ANKS1B: variants seen among roughly 807,000 people sequenced by gnomAD.
ANKS1B encodes the protein ankyrin repeat and sterile alpha motif domain containing 1B.
In ANKS1B, 36 loss-of-function variants were observed where a neutral mutation model predicts 148.3. The observed-to-expected ratio is 0.24, with a 90% confidence interval of 0.19 to 0.32. The LOEUF (loss-of-function observed/expected upper bound fraction) is 0.32. ANKS1B is among the 10% of genes least tolerant of loss of function. The pLI, the probability that ANKS1B is intolerant of heterozygous loss-of-function variation, is 1.00. For missense variants in ANKS1B, 1,157 were observed against 1,542.6 expected (o/e 0.75, Z 4.19); for synonymous variants, 542 against 560.8 (o/e 0.97, Z 0.47).
chr12:98,947,805 C>T (rs900953841), intron 17 of ANKS1B, among the ~76,000 whole-genome samples: 1 of 152,170 alleles, frequency 6.6e-6, no homozygotes, highest in Admixed American at 6.5e-5. Context: ...TTTCCTGTGT[C>T]TTCTGCTGCT....
intron 17 of ANKS1B, among the ~76,000 whole-genome samples, chr12:98,948,683 G>A (rs959752226): frequency 4.0e-5 from 6 of 151,468 alleles, no homozygotes; most frequent in African/African-American, 1.5e-4. Flanking sequence ...GGACCACATT[G>A]ATATGCACAA....
intron 25 of ANKS1B, among the ~76,000 whole-genome samples, chr12:98,764,645 T>A (rs577965782): frequency 6.6e-6 from 1 of 152,358 alleles, no homozygotes; most frequent in Admixed American, 6.5e-5. Context: ...CTTGGTTTAG[T>A]CAGCACAGCA....
intron 4 of ANKS1B, among the ~76,000 whole-genome samples, chr12:99,789,471 A>G (rs927933722): frequency 3.9e-4 from 59 of 152,328 alleles, no homozygotes; most frequent in Middle Eastern, 6.8e-3. Flanking sequence ...GGCACCAGGG[A>G]CAAGTCCTGG....
chr12:99,671,008 T>C (rs1333914325), intron 8 of ANKS1B, among the ~76,000 whole-genome samples: 1 of 152,174 alleles, frequency 6.6e-6, no homozygotes, highest in African/African-American at 2.4e-5. Context: ...GATCAAAAAA[T>C]AGAAAGCTTC....
At chr12:99,223,557 A>G (rs745396880) in intron 14 of ANKS1B, among the ~76,000 whole-genome samples, 37 of 151,794 alleles carry the variant, frequency 2.4e-4, no homozygotes, top group Admixed American at 1.3e-4. Context: ...AAAGGTTCGC[A>G]CTCCTATGAG....
chr12:99,281,143 T>G (rs1306204986), intron 12 of ANKS1B, among the ~76,000 whole-genome samples: 1 of 152,008 alleles, frequency 6.6e-6, no homozygotes, highest in Non-Finnish European at 1.5e-5. Context: ...GAATAAAGCA[T>G]AAGAAGAGAG....
chr12:98,961,797 T>G lies in ANKS1B; in HGVS notation c.2778+91360A>C, dbSNP rs144343711. On this transcript the variant is annotated intron_variant, in intron 17 of 26. Coordinates refer to ENST00000683438, the MANE Select transcript of ANKS1B (RefSeq NM_001352186.2). ...CAGTTTTTATTAGTTTTCTCTTTGCTTGTTTGTTAGTCTATGCAATCAGTA... is the reference window on the plus strand; with the variant it reads ...CAGTTTTTATTAGTTTTCTCTTTGCGTGTTTGTTAGTCTATGCAATCAGTA... 3.2e-3 allele frequency among the ~76,000 whole-genome samples: 490 copies of G among 152,262 alleles called. 2 individuals carry two copies. The highest frequency in any genetic ancestry group is 0.011 in the African/African-American group (473 of 41,570).
chr12:99,705,072 C>T lies in ANKS1B; in HGVS notation c.1129-49862G>A, dbSNP rs144399977. Among the ~76,000 whole-genome samples the T allele has an allele frequency of 2.1e-3, 327 of 152,160 alleles. 2 individuals carry two copies. The highest frequency in any genetic ancestry group is 3.3e-3 in the Non-Finnish European group (222 of 67,990). On this transcript the variant is annotated intron_variant, in intron 8 of 26. Transcript: ENST00000683438. ...ATCAACCTGGTAAGACTACAGAGGA[C>T]TCATGAATTCCATACCAGATATGTC... is the stretch of plus-strand genomic sequence containing the variant.
chr12:99,331,149 ATG>A (rs2087468643), intron 12 of ANKS1B, among the ~76,000 whole-genome samples: 1 of 151,986 alleles, frequency 6.6e-6, no homozygotes, highest in Non-Finnish European at 1.5e-5. Flanking sequence ...ATGACCGTGC[ATG>A]TGTTACTGTT....
At chr12:99,911,044 T>TC (rs2093990221) in intron 1 of ANKS1B, among the ~76,000 whole-genome samples, 1 of 152,154 alleles carries the variant, frequency 6.6e-6, no homozygotes, top group Non-Finnish European at 1.5e-5. Context: ...ATATTATTTT[T>TC]TATAATCCTC....
rs151051375 is a variant in ANKS1B at position 99,490,232 on chromosome 12, G to A, written c.1438+14244C>T. 4.6e-5 allele frequency among the ~76,000 whole-genome samples: 7 copies of A among 152,350 alleles called. No homozygotes were observed. The East Asian group carries it at 1.3e-3, about 29-fold the overall frequency. ...TGGATTAATGAATGAATGATTTTAT[G>A]AAAAGAGATGGTTCTGAACAGTAAA... is the stretch of plus-strand genomic sequence containing the variant. On this transcript the variant is annotated intron_variant, in intron 10 of 26. Transcript: ENST00000683438.
At chr12:99,237,911 T>C (rs1000712776) in intron 14 of ANKS1B, among the ~76,000 whole-genome samples, 5 of 152,162 alleles carry the variant, frequency 3.3e-5, no homozygotes, top group East Asian at 1.9e-4. Context: ...GCCTAGCACA[T>C]AGAAAAACTT....
intron 9 of ANKS1B, among the ~76,000 whole-genome samples, chr12:99,523,053 C>G (rs148760810): frequency 7.9e-5 from 12 of 152,126 alleles, no homozygotes; most frequent in Admixed American, 6.5e-4. Context: ...AATTAGGTGG[C>G]CTAGAGGCTT....
chr12:99,515,078 A>C (rs1705365703), intron 9 of ANKS1B, among the ~76,000 whole-genome samples: 1 of 152,036 alleles, frequency 6.6e-6, no homozygotes, highest in African/African-American at 2.4e-5. Context: ...TATGTGGTAC[A>C]TTTGATATTT....
At chr12:99,918,627 T>A (rs1288977920) in intron 1 of ANKS1B, among the ~76,000 whole-genome samples, 2 of 152,186 alleles carry the variant, frequency 1.3e-5, no homozygotes, top group East Asian at 3.8e-4. Context: ...AATTATCTGT[T>A]TTTAAAGTTC....
intron 8 of ANKS1B, among the ~76,000 whole-genome samples, chr12:99,666,188 T>C (rs1234633598): frequency 6.6e-6 from 1 of 152,236 alleles, no homozygotes; most frequent in Non-Finnish European, 1.5e-5. Context: ...TCTTCTTATG[T>C]GAATACCACA....
chr12:99,980,057 A>C (rs2095676673), intron 1 of ANKS1B, among the ~76,000 whole-genome samples: 1 of 152,008 alleles, frequency 6.6e-6, no homozygotes, highest in Non-Finnish European at 1.5e-5. Flanking sequence ...AATTACAAAT[A>C]CAACATAAAA....
rs139303354 is a variant in ANKS1B, at chr12:98,939,161, T to C, written c.2779-107025A>G. ...ATCCTAAAGTGTATGGAATTACAAG[T>C]TTCTATGAAGATGTTTTTGAGAAAC... On this transcript the variant is annotated intron_variant, in intron 17 of 26. Coordinates refer to ENST00000683438, the MANE Select transcript of ANKS1B (RefSeq NM_001352186.2). 4.0e-3 allele frequency among the ~76,000 whole-genome samples: 616 copies of C among 152,328 alleles called. 2 individuals carry two copies. The highest frequency in any genetic ancestry group is 0.014 in the African/African-American group (570 of 41,572).
At chr12:98,938,056 G>C (rs201014651) in intron 17 of ANKS1B, among the ~76,000 whole-genome samples, 1 of 152,122 alleles carries the variant, frequency 6.6e-6, no homozygotes, top group African/African-American at 2.4e-5. Context: ...ATTACAATTC[G>C]AGATGATATT....
Sources: gnomAD v4.1 joint callset for allele counts (sites outside exome capture counted in the v4.1 genomes callset) on GRCh38, gnomAD v4.1.1 for gene constraint, MANE v1.5 for transcripts, NCBI Gene and HGNC (gene_info 2026-07-23, HGNC 2026-07-21) for gene names.